Variants in PSMD1 observed in about 807,000 individuals in gnomAD.
The protein encoded by PSMD1 is proteasome 26S subunit, non-ATPase 1, also known as 26S proteasome non-ATPase regulatory subunit 1.
A neutral mutation model predicts 119.0 loss-of-function variants in PSMD1; 18 were observed. That is an observed-to-expected ratio of 0.15 (90% CI 0.10 to 0.22). PSMD1 has a LOEUF of 0.22. PSMD1 is among the 10% of genes least tolerant of loss of function. The pLI, the probability that PSMD1 is intolerant of heterozygous loss-of-function variation, is 1.00. For synonymous variants in PSMD1, 374 were observed against 396.6 expected, an observed-to-expected ratio of 0.94 and a Z score of 0.68; for missense variants, 702 against 1,158.5, an observed-to-expected ratio of 0.61 and a Z score of 5.72.
rs1157931136 is a variant in PSMD1 at position 231,139,155 on chromosome 2, G to A, written c.1998+305G>A. On this transcript the variant is annotated intron_variant, in intron 17 of 24. Coordinates refer to ENST00000308696, the MANE Select transcript of PSMD1 (RefSeq NM_002807.4). ...TTTGTTTGTTTATTTGTTTTGAAAC[G>A]GAATTTCACTCTTTCATCCAGGCTG... The A allele has an allele frequency of 1.3e-5, 5 of 381,768 alleles. No homozygotes were observed. In the East Asian group the frequency reaches 1.9e-4, roughly 15 times the overall value. 23.6% of individuals were successfully genotyped at this position (381,768 alleles called of 1,614,324 possible).
At position 231,062,259 on chromosome 2, in the gene PSMD1, A is replaced by C. The variant is rs562320787; in HGVS notation, c.72A>C (p.Leu24=). The C allele has an allele frequency of 6.2e-7, 1 of 1,612,014 alleles. No homozygotes were observed. The highest frequency in any genetic ancestry group is 1.3e-5 in the African/African-American group (1 of 75,016). The part of the protein sequence containing the change: ...EDEPQLKEFA[L]HKLNAVVNDF... Reference sequence around the variant, plus strand: ...GTTATCTTTTACAGGAATTTGCACTACACAAATTGAATGCAGTTGTTAATG... The same window carrying C: ...GTTATCTTTTACAGGAATTTGCACTCCACAAATTGAATGCAGTTGTTAATG... The change falls in exon 3 of 25, where the codon CTA becomes CTC. Residue 24 remains leucine (L), a synonymous_variant. Transcript: ENST00000308696.
chr2:231,088,420 A>G (rs1694507459), intron 16 of PSMD1, among the ~76,000 whole-genome samples: 1 of 152,228 alleles, frequency 6.6e-6, no homozygotes, highest in African/African-American at 2.4e-5. Context: ...GGTTTGTGAC[A>G]AGCCTGCATC....
chr2:231,075,325 TTGGAGGAAATTTAATAAC>T (rs1694134636), intron 7 of PSMD1, among the ~76,000 whole-genome samples, 168 bp from the exon 8 acceptor site: 1 of 152,242 alleles, frequency 6.6e-6, no homozygotes, highest in East Asian at 1.9e-4. Context: ...TTTTTATTAT[TTGGAGGAAATTTAATAAC>T]TGGATTGCCT....
Position 231,166,222 on chromosome 2 carries a change from C to T in PSMD1, c.2715+205C>T, listed in dbSNP as rs182915966. Among the ~76,000 whole-genome samples, 41 of 152,310 alleles carry T rather than the reference C, an allele frequency of 2.7e-4. No individual in the cohort carries two copies. In the East Asian group the frequency reaches 7.9e-3, roughly 29 times the overall value. Reference sequence around the variant, plus strand: ...TCTTTTCCCTGTGTAACCCTACAAACTCCCGTCTTCTACCACAGACATACG... The same window carrying T: ...TCTTTTCCCTGTGTAACCCTACAAATTCCCGTCTTCTACCACAGACATACG... On this transcript the variant is annotated intron_variant, in intron 23 of 24. Coordinates refer to ENST00000308696, the MANE Select transcript of PSMD1 (RefSeq NM_002807.4).
chr2:231,070,284 C>A, intron 6 of PSMD1, 116 bp downstream of exon 6: 1 of 828,180 alleles, frequency 1.2e-6, no homozygotes, highest in Non-Finnish European at 1.6e-6. Flanking sequence ...TGTATCTCAG[C>A]TGATCTTCAC....
chr2:231,157,751 G>A (rs560726762), intron 19 of PSMD1, among the ~76,000 whole-genome samples: 29 of 151,682 alleles, frequency 1.9e-4, no homozygotes, highest in Middle Eastern at 6.8e-3. Context: ...TATTTTAGTG[G>A]AGACTAGGTT....
At chr2:231,109,025 A>G (rs1280553135) in intron 16 of PSMD1, 16 of 1,614,106 alleles carry the variant, frequency 9.9e-6, no homozygotes, top group Non-Finnish European at 1.4e-5. Context: ...AATGGTCTGC[A>G]CTGACTTTTT....
chr2:231,108,925 A>G, intron 16 of PSMD1: 1 of 1,614,162 alleles, frequency 6.2e-7, no homozygotes, highest in Non-Finnish European at 8.5e-7. Flanking sequence ...ATAAAACTAA[A>G]GTTATATTTG....
intron 19 of PSMD1, among the ~76,000 whole-genome samples, chr2:231,153,903 T>G (rs902551631): frequency 2.7e-5 from 4 of 146,564 alleles, no homozygotes; most frequent in Non-Finnish European, 6.0e-5. Flanking sequence ...CACCTGAGGT[T>G]GGGAGTTCGA....
Position 231,070,176 on chromosome 2 carries a change from C to A in PSMD1, c.654+8C>A, listed in dbSNP as rs1694009202. On this transcript the variant is annotated splice_region_variant and intron_variant, in intron 6 of 24. Transcript: ENST00000308696. Reference sequence around the variant, plus strand: ...TTCATCAATGTTTGTCAGGTAATGACATTAAATTATGTTTCATTACATTGC... The same window carrying A: ...TTCATCAATGTTTGTCAGGTAATGAAATTAAATTATGTTTCATTACATTGC... 6.6e-7 allele frequency: 1 copy of A among 1,521,596 alleles called. No homozygotes were observed. The highest frequency in any genetic ancestry group is 2.3e-5 in the East Asian group (1 of 42,670). 94.3% of individuals were successfully genotyped at this position (1,521,596 alleles called of 1,614,324 possible).
Position 231,141,699 on chromosome 2 carries a change from C to T in PSMD1, c.1998+2849C>T, listed in dbSNP as rs540638417. Among the ~76,000 whole-genome samples, 215 of 151,652 alleles carry T rather than the reference C, an allele frequency of 1.4e-3. 1 individual carries two copies. The highest frequency in any genetic ancestry group is 4.9e-3 in the African/African-American group (202 of 41,302). ...ACACTTATTTATTGTTTGTCTTTGC[C>T]GAAATGTAAGATCACTGAGAATATA... On this transcript the variant is annotated intron_variant, in intron 17 of 24. Transcript: ENST00000308696.
intron 16 of PSMD1, among the ~76,000 whole-genome samples, chr2:231,110,762 T>A (rs961121679): frequency 7.2e-5 from 11 of 152,256 alleles, no homozygotes; most frequent in Non-Finnish European, 1.6e-4. Context: ...TCTATTTTTG[T>A]AAAAGTTTTA....
chr2:231,138,674 C>T, intron 16 of PSMD1, 62 bp from the exon 17 acceptor site: 2 of 1,262,036 alleles, frequency 1.6e-6, no homozygotes, highest in South Asian at 2.5e-5. Flanking sequence ...GGTTAAAACT[C>T]TTCTGTCTTA....
At chr2:231,155,545 C>A (rs945633934) in intron 19 of PSMD1, among the ~76,000 whole-genome samples, 1 of 151,668 alleles carries the variant, frequency 6.6e-6, no homozygotes, top group African/African-American at 2.4e-5. Flanking sequence ...TTTGATTAAT[C>A]CTTTTTTCTT....
intron 19 of PSMD1, among the ~76,000 whole-genome samples, chr2:231,155,278 C>G (rs565098025): frequency 6.6e-6 from 1 of 152,264 alleles, no homozygotes; most frequent in African/African-American, 2.4e-5. Flanking sequence ...AAGAAAAACA[C>G]TGTTAGCCTT....
At chr2:231,107,681 T>C (rs920157397) in intron 16 of PSMD1, among the ~76,000 whole-genome samples, 1 of 152,210 alleles carries the variant, frequency 6.6e-6, no homozygotes, top group African/African-American at 2.4e-5. Context: ...ATAAAAAATT[T>C]TGTGCTGGAA....
intron 23 of PSMD1, among the ~76,000 whole-genome samples, chr2:231,168,360 C>T (rs561135788): frequency 5.9e-5 from 9 of 152,274 alleles, no homozygotes; most frequent in South Asian, 2.1e-4. Flanking sequence ...TACACACTAA[C>T]GCTCATATCA....
chr2:231,119,943 C>T (rs1276088569), intron 16 of PSMD1, among the ~76,000 whole-genome samples: 1 of 150,118 alleles, frequency 6.7e-6, no homozygotes, highest in African/African-American at 2.4e-5. Context: ...CATATCTTCC[C>T]GTGTTACTTT....
At position 231,098,324 on chromosome 2, in the gene PSMD1, A is replaced by G. The variant is rs1355511441; in HGVS notation, c.1883+11143A>G. Among the ~76,000 whole-genome samples the G allele has an allele frequency of 2.0e-5, 3 of 152,100 alleles. No individual in the cohort carries two copies. The East Asian group carries it at 5.8e-4, about 29-fold the overall frequency. On this transcript the variant is annotated intron_variant, in intron 16 of 24. Coordinates refer to ENST00000308696, the MANE Select transcript of PSMD1 (RefSeq NM_002807.4). ...ATTATCAATTATAGGTTTTTAATTT[A>G]TCCTGGCTTTTAAAGGAATAGGGTA...
Sources: allele counts gnomAD v4.1 joint callset (sites outside exome capture counted in the v4.1 genomes callset), GRCh38; gene constraint gnomAD v4.1.1; transcripts MANE v1.5; gene names NCBI Gene and HGNC (gene_info 2026-07-23, HGNC 2026-07-21).